The following PCDH15 variants were observed in gnomAD, a reference collection of about 807,000 sequenced individuals.
PCDH15 encodes the protein protocadherin-15.
Under a neutral mutation model 178.5 loss-of-function variants are expected in PCDH15, and 129 were observed. That is an observed-to-expected ratio of 0.72 (90% CI 0.63 to 0.84). PCDH15 has a LOEUF of 0.84. PCDH15 is among the 40% of genes least tolerant of loss of function. The pLI, the probability that PCDH15 is intolerant of heterozygous loss-of-function variation, is 0.00. For synonymous variants in PCDH15, 800 were observed against 732.0 expected, an observed-to-expected ratio of 1.09 and a Z score of -1.50; for missense variants, 2,230 against 2,099.9, an observed-to-expected ratio of 1.06 and a Z score of -1.21.
intron 2 of PCDH15, among the ~76,000 whole-genome samples, chr10:55,400,558 G>A (rs1463626148): frequency 6.6e-6 from 1 of 152,028 alleles, no homozygotes; most frequent in African/African-American, 2.4e-5. Flanking sequence ...TGTAACTCCA[G>A]AAACAATATT....
intron 2 of PCDH15, among the ~76,000 whole-genome samples, chr10:55,440,743 G>T (rs934328758): frequency 1.3e-5 from 2 of 152,112 alleles, no homozygotes; most frequent in Non-Finnish European, 2.9e-5. Context: ...TCACACTGCT[G>T]ATAAAGACAT....
rs1837419427 is a variant in PCDH15 at position 54,919,157 on chromosome 10, T to A, written c.-79-21657A>T. On this transcript the variant is annotated intron_variant, in intron 2 of 5. Transcript: ENST00000458638. Reference sequence around the variant, plus strand: ...TTAATCGTTTGTTGTCTTTTACACATTCATGTTCCTTGAATACTCTTTTTT... The same window carrying A: ...TTAATCGTTTGTTGTCTTTTACACAATCATGTTCCTTGAATACTCTTTTTT... 2.0e-5 allele frequency among the ~76,000 whole-genome samples: 3 copies of A among 152,304 alleles called. No homozygotes were observed. In the South Asian group the frequency reaches 6.2e-4, roughly 32 times the overall value.
At chr10:53,902,059 T>G (rs978551605) in intron 26 of PCDH15, among the ~76,000 whole-genome samples, 2 of 152,174 alleles carry the variant, frequency 1.3e-5, no homozygotes, top group Non-Finnish European at 2.9e-5. Context: ...TCAAACATAT[T>G]TGACTAAATG....
intron 17 of PCDH15, 145 bp from the exon 18 acceptor site, chr10:54,067,030 A>C: frequency 1.4e-6 from 1 of 697,662 alleles, no homozygotes; most frequent in African/African-American, 1.8e-5. Flanking sequence ...AAAATAAAAA[A>C]ATAAAAAAAT....
chr10:54,399,950 C>G (rs950048575), intron 3 of PCDH15, among the ~76,000 whole-genome samples: 1 of 152,012 alleles, frequency 6.6e-6, no homozygotes, highest in African/African-American at 2.4e-5. Flanking sequence ...TTCTTTTTAC[C>G]TCTAATGCTT....
chr10:55,454,278 A>T (rs2132084567), intron 2 of PCDH15, among the ~76,000 whole-genome samples: 1 of 152,286 alleles, frequency 6.6e-6, no homozygotes, highest in Middle Eastern at 3.4e-3. Flanking sequence ...TGCTTAGCAA[A>T]GTTGTTTTTT....
chr10:54,231,251 G>A (rs896307338), intron 9 of PCDH15, among the ~76,000 whole-genome samples: 3 of 152,182 alleles, frequency 2.0e-5, no homozygotes, highest in Admixed American at 6.5e-5. Context: ...CTCTAGCCAT[G>A]GCTACATGGC....
At chr10:53,814,669 A>C (rs1214010451) in intron 35 of PCDH15, among the ~76,000 whole-genome samples, 1 of 152,134 alleles carries the variant, frequency 6.6e-6, no homozygotes, top group Non-Finnish European at 1.5e-5. Flanking sequence ...CGTTAAAAAA[A>C]AATTTGAGGA....
intron 3 of PCDH15, among the ~76,000 whole-genome samples, chr10:54,871,586 T>A (rs1954042319): frequency 6.6e-6 from 1 of 152,064 alleles, no homozygotes; most frequent in African/African-American, 2.4e-5. Flanking sequence ...CATACAAAAG[T>A]CATATTCCAT....
intron 2 of PCDH15, among the ~76,000 whole-genome samples, chr10:55,606,480 T>C (rs1337629948): frequency 6.6e-6 from 1 of 150,420 alleles, no homozygotes; most frequent in Non-Finnish European, 1.5e-5. Context: ...GGCATCACAC[T>C]ACCTGACTTC....
At chr10:55,315,887 A>T (rs556996814) in intron 1 of PCDH15, among the ~76,000 whole-genome samples, 8 of 152,118 alleles carry the variant, frequency 5.3e-5, no homozygotes, top group African/African-American at 1.9e-4. Context: ...GTGGTGGTGC[A>T]TGCCTATAAT....
chr10:54,699,069 A>C (rs1483236464), intron 1 of PCDH15, among the ~76,000 whole-genome samples: 1 of 152,162 alleles, frequency 6.6e-6, no homozygotes, highest in Non-Finnish European at 1.5e-5. Context: ...TGGTTTACCC[A>C]AAATCTGTTT....
chr10:55,378,028 A>G (rs2131997315), intron 2 of PCDH15, among the ~76,000 whole-genome samples: 1 of 152,154 alleles, frequency 6.6e-6, no homozygotes, highest in Non-Finnish European at 1.5e-5. Context: ...GGACACAGGG[A>G]GGGGAACATC....
chr10:54,367,613 A>AGGGAGG (rs1946997464), intron 5 of PCDH15, among the ~76,000 whole-genome samples: 1 of 151,836 alleles, frequency 6.6e-6, no homozygotes, highest in Non-Finnish European at 1.5e-5. Flanking sequence ...CAATGAGAAC[A>AGGGAGG]CCTGGACACA....
chr10:54,369,248 C>G lies in PCDH15; in HGVS notation c.346G>C (p.Val116Leu). 2 of 1,612,618 alleles carry G rather than the reference C, an allele frequency of 1.2e-6. No homozygotes were observed. The highest frequency in any genetic ancestry group is 2.2e-5 in the South Asian group (2 of 91,032). The change falls in exon 5 of 38, where the codon GTG (valine) becomes CTG (leucine). Residue 116 changes from valine (V) to leucine (L), a missense_variant. Val to Leu is a conservative substitution (Grantham distance 32, BLOSUM62 1). Transcript: ENST00000644397. ...DPPMNIHSIV[V>L]QVQCINKKVG... is the part of the protein sequence containing the mutation. ...TTTTTGTTGATGCACTGGACCTGCA[C>G]CACAATGGAGTGTATGTTCATCGGT...
At chr10:53,904,225 T>C (rs1207342644) in intron 25 of PCDH15, among the ~76,000 whole-genome samples, 1 of 152,202 alleles carries the variant, frequency 6.6e-6, no homozygotes, top group Non-Finnish European at 1.5e-5. Flanking sequence ...AAATAAGTAT[T>C]GCTAATGTAT....
intron 2 of PCDH15, among the ~76,000 whole-genome samples, chr10:55,475,188 G>A (rs574961651): frequency 3.7e-4 from 57 of 152,086 alleles, no homozygotes; most frequent in African/African-American, 1.3e-3. Flanking sequence ...AAGCTCACCC[G>A]AAGGAAGGGC....
chr10:54,858,925 C>A (rs911584287), intron 3 of PCDH15, among the ~76,000 whole-genome samples: 4 of 151,932 alleles, frequency 2.6e-5, no homozygotes, highest in African/African-American at 9.7e-5. Flanking sequence ...GATAGGGCCA[C>A]AATGATATAA....
chr10:54,898,488 T>C, intron 2 of PCDH15, among the ~76,000 whole-genome samples: 1 of 152,160 alleles, frequency 6.6e-6, no homozygotes, highest in East Asian at 1.9e-4. Context: ...AGGATGATAA[T>C]CACACTATAT....
Sources: allele counts gnomAD v4.1 joint callset (sites outside exome capture counted in the v4.1 genomes callset), GRCh38; gene constraint gnomAD v4.1.1; transcripts MANE v1.5; gene names NCBI Gene and HGNC (gene_info 2026-07-23, HGNC 2026-07-21).